The following NOS1AP variants were observed in gnomAD, a reference collection of about 807,000 sequenced individuals.
The protein encoded by NOS1AP is carboxyl-terminal PDZ ligand of neuronal nitric oxide synthase protein.
In NOS1AP, 21 loss-of-function variants were observed where a neutral mutation model predicts 56.2. That is an observed-to-expected ratio of 0.37 (90% CI 0.26 to 0.54). The LOEUF (loss-of-function observed/expected upper bound fraction) is 0.54. Ranked by LOEUF, NOS1AP falls within the 20% of genes least tolerant of loss-of-function variation. The pLI is 0.84. For missense variants in NOS1AP, 522 were observed against 657.8 expected, an observed-to-expected ratio of 0.79 and a Z score of 2.26; for synonymous variants, 270 against 274.6, an observed-to-expected ratio of 0.98 and a Z score of 0.17.
intron 1 of NOS1AP, among the ~76,000 whole-genome samples, chr1:162,097,328 C>A (rs1365298501): frequency 6.6e-6 from 1 of 152,136 alleles, no homozygotes; most frequent in Non-Finnish European, 1.5e-5. Flanking sequence ...TAACAATTGT[C>A]TTTTCCACTA....
At chr1:162,226,872 G>A (rs1451063134) in intron 2 of NOS1AP, among the ~76,000 whole-genome samples, 3 of 151,940 alleles carry the variant, frequency 2.0e-5, no homozygotes, top group Non-Finnish European at 4.4e-5. Context: ...TTTGATGACA[G>A]GCCTTGGACT....
At chr1:162,313,042 C>A (rs1656099650) in intron 4 of NOS1AP, among the ~76,000 whole-genome samples, 1 of 152,090 alleles carries the variant, frequency 6.6e-6, no homozygotes, top group African/African-American at 2.4e-5. Context: ...TGGGCAAAAA[C>A]TGGAAGCATT....
intron 2 of NOS1AP, among the ~76,000 whole-genome samples, chr1:162,258,949 A>G (rs1416503134): frequency 1.3e-5 from 2 of 152,152 alleles, no homozygotes; most frequent in South Asian, 2.1e-4. Context: ...AGGACCTCTG[A>G]TGGCTAATTT....
intron 1 of NOS1AP, among the ~76,000 whole-genome samples, chr1:162,122,360 AG>A (rs1648274240): frequency 1.3e-5 from 2 of 152,250 alleles, no homozygotes; most frequent in Admixed American, 6.5e-5. Context: ...ATTGAATTAT[AG>A]GGAAGAGTAG....
At chr1:162,106,980 T>A (rs1647535312) in intron 1 of NOS1AP, among the ~76,000 whole-genome samples, 1 of 147,098 alleles carries the variant, frequency 6.8e-6, no homozygotes, top group Non-Finnish European at 1.5e-5. Context: ...GGCACACTAT[T>A]TGTAGTAGCA....
At chr1:162,121,518 C>T (rs910216301) in intron 1 of NOS1AP, among the ~76,000 whole-genome samples, 5 of 152,064 alleles carry the variant, frequency 3.3e-5, no homozygotes, top group Non-Finnish European at 5.9e-5. Flanking sequence ...ACAGATATGG[C>T]ATCTCCATTT....
intron 2 of NOS1AP, among the ~76,000 whole-genome samples, chr1:162,176,755 C>G (rs1475676944): frequency 6.6e-6 from 1 of 152,136 alleles, no homozygotes; most frequent in Non-Finnish European, 1.5e-5. Context: ...GATCCACCCA[C>G]CTTGGCCTGG....
intron 5 of NOS1AP, among the ~76,000 whole-genome samples, chr1:162,335,646 C>G (rs1199109016): frequency 1.3e-5 from 2 of 152,138 alleles, no homozygotes; most frequent in Admixed American, 1.3e-4. Context: ...AGGGAGTCCT[C>G]TTGACTGGAA....
intron 1 of NOS1AP, among the ~76,000 whole-genome samples, chr1:162,109,129 G>A (rs762516451): frequency 2.0e-5 from 3 of 152,180 alleles, no homozygotes; most frequent in Non-Finnish European, 4.4e-5. Flanking sequence ...GTATGGAGGA[G>A]ACCACCCCTA....
At chr1:162,124,227 C>T (rs766002652) in intron 1 of NOS1AP, among the ~76,000 whole-genome samples, 2 of 152,034 alleles carry the variant, frequency 1.3e-5, no homozygotes, top group South Asian at 2.1e-4. Flanking sequence ...ACATATCACT[C>T]GAGTAGTGTA....
intron 1 of NOS1AP, among the ~76,000 whole-genome samples, chr1:162,124,507 GAC>G (rs1553257336): frequency 6.6e-5 from 10 of 150,544 alleles, no homozygotes; most frequent in Non-Finnish European, 8.9e-5. Flanking sequence ...GTGTGTGTGT[GAC>G]ACACACACAC....
At chr1:162,135,123 T>G (rs752624266) in intron 1 of NOS1AP, among the ~76,000 whole-genome samples, 7 of 152,244 alleles carry the variant, frequency 4.6e-5, no homozygotes, top group Non-Finnish European at 8.8e-5. Flanking sequence ...GTGCTTCTAC[T>G]GGACTTGGTA....
At chr1:162,220,692 A>G (rs1652740073) in intron 2 of NOS1AP, among the ~76,000 whole-genome samples, 1 of 151,914 alleles carries the variant, frequency 6.6e-6, no homozygotes, top group Non-Finnish European at 1.5e-5. Flanking sequence ...TTAAATTCTC[A>G]TACTTTGCTC....
chr1:162,259,678 C>G (rs1654146700), intron 2 of NOS1AP, among the ~76,000 whole-genome samples: 1 of 152,030 alleles, frequency 6.6e-6, no homozygotes. Context: ...GTTACAAAGC[C>G]ACAAAGCAGT....
intron 2 of NOS1AP, among the ~76,000 whole-genome samples, chr1:162,207,986 G>A (rs1411396967): frequency 1.3e-5 from 2 of 152,102 alleles, no homozygotes; most frequent in South Asian, 2.1e-4. Flanking sequence ...CATACCCTGC[G>A]CTAGGCACTG....
intron 1 of NOS1AP, among the ~76,000 whole-genome samples, chr1:162,100,395 A>AT (rs1433148766): frequency 1.3e-5 from 2 of 152,036 alleles, no homozygotes; most frequent in Admixed American, 1.3e-4. Flanking sequence ...GATGATGAGC[A>AT]TTTTTTCATG....
At chr1:162,352,194 G>C (rs1246429676) in intron 6 of NOS1AP, among the ~76,000 whole-genome samples, 1 of 152,170 alleles carries the variant, frequency 6.6e-6, no homozygotes, top group Middle Eastern at 3.4e-3. Context: ...CAAGCAGCTG[G>C]GATTACAGGC....
chr1:162,261,810 G>C (rs1027998406), intron 2 of NOS1AP, among the ~76,000 whole-genome samples: 9 of 152,128 alleles, frequency 5.9e-5, no homozygotes, highest in Non-Finnish European at 1.0e-4. Context: ...CTTTGCGATG[G>C]ACATAGTTCA....
At chr1:162,309,460 C>T (rs747770580) in intron 4 of NOS1AP, among the ~76,000 whole-genome samples, 10 of 152,170 alleles carry the variant, frequency 6.6e-5, no homozygotes, top group Non-Finnish European at 1.5e-4. Flanking sequence ...TAAGAATATG[C>T]TAAGTTAAGT....
Sources: gnomAD v4.1 joint callset for allele counts (sites outside exome capture counted in the v4.1 genomes callset) on GRCh38, gnomAD v4.1.1 for gene constraint, MANE v1.5 for transcripts, NCBI Gene and HGNC (gene_info 2026-07-23, HGNC 2026-07-21) for gene names.